G3BP2: variants seen among roughly 807,000 people sequenced by gnomAD.
G3BP2 encodes the protein G3BP stress granule assembly factor 2, also known as ras GTPase-activating protein-binding protein 2.
G3BP2 carries 11 observed loss-of-function variants against 56.7 expected under a neutral mutation model. The ratio of observed to expected loss-of-function variants is 0.19; its 90% CI spans 0.12 to 0.32. The LOEUF is 0.32. G3BP2 is among the 10% of genes least tolerant of loss of function. The pLI, the probability that G3BP2 is intolerant of heterozygous loss-of-function variation, is 1.00. For synonymous variants in G3BP2, 165 were observed against 191.6 expected (o/e 0.86, Z 1.15); for missense variants, 340 against 610.9 (o/e 0.56, Z 4.67).
chr4:75,700,687 G>A (rs1352782424), intron 3 of G3BP2, among the ~76,000 whole-genome samples: 2 of 150,130 alleles, frequency 1.3e-5, no homozygotes, highest in Non-Finnish European at 3.0e-5. Flanking sequence ...CCAAAGTGCT[G>A]GGATTACAGG....
chr4:75,675,383 C>T (rs561208731), upstream of G3BP2, among the ~76,000 whole-genome samples: 6 of 152,326 alleles, frequency 3.9e-5, no homozygotes, highest in African/African-American at 1.2e-4. Flanking sequence ...CTTGTTAAAA[C>T]AGATAGTTGG....
chr4:75,642,852 T>C lies in G3BP2; in HGVS notation c.*2578A>G, dbSNP rs994630048. The C allele has an allele frequency of 1.3e-5, 2 of 152,580 alleles. No individual in the cohort carries two copies. Among genetic ancestry groups the C allele is most frequent in the African/African-American group, 2.4e-5 (1 of 41,460 alleles). 9.5% of individuals were successfully genotyped at this position (152,580 alleles called of 1,614,324 possible). On this transcript the variant is annotated 3_prime_UTR_variant, in exon 12 of 12. Transcript: ENST00000359707. Reference sequence around the variant, plus strand: ...ACATTCAATATGGAAACTCAAAGAATACTTTCCACCTGAAACAATTAAACT... The same window carrying C: ...ACATTCAATATGGAAACTCAAAGAACACTTTCCACCTGAAACAATTAAACT...
At chr4:75,684,814 A>T (rs145869510) in intron 3 of G3BP2, among the ~76,000 whole-genome samples, 2 of 152,132 alleles carry the variant, frequency 1.3e-5, no homozygotes, top group East Asian at 3.9e-4. Context: ...TGCTGAAAAG[A>T]TCCATATTTC....
intron 3 of G3BP2, among the ~76,000 whole-genome samples, chr4:75,716,735 G>A (rs7684778): frequency 0.35 from 53,394 of 151,190 alleles, 11,182 homozygotes; most frequent in African/African-American, 0.59. Context: ...GGCTGGTCTC[G>A]AACTCCCAAT....
At chr4:75,715,302 G>GA (rs5859472) in intron 3 of G3BP2, among the ~76,000 whole-genome samples, 81,923 of 151,242 alleles carry the variant, frequency 0.54, 23,403 homozygotes, top group East Asian at 0.8. Context: ...AGTACTGAAG[G>GA]AAAAAAAAAC....
At chr4:75,685,096 G>T (rs1269239371) in intron 3 of G3BP2, among the ~76,000 whole-genome samples, 2 of 151,504 alleles carry the variant, frequency 1.3e-5, no homozygotes, top group East Asian at 3.9e-4. Flanking sequence ...ATGGGTGAAG[G>T]TTGCACAGAA....
At chr4:75,714,606 C>T (rs1719869145) in intron 3 of G3BP2, among the ~76,000 whole-genome samples, 1 of 151,686 alleles carries the variant, frequency 6.6e-6, no homozygotes, top group Admixed American at 6.6e-5. Flanking sequence ...CCAGCCTGGG[C>T]AACAAAAGTG....
chr4:75,704,613 T>C (rs6827809), intron 3 of G3BP2, among the ~76,000 whole-genome samples: 132,439 of 151,786 alleles, frequency 0.87, 57,795 homozygotes, highest in East Asian at 0.91. Flanking sequence ...GCCACTGTGA[T>C]GGCCCAATAT....
Position 75,720,022 on chromosome 4 carries a change from C to CTTTTTTTTT in G3BP2, c.-25+846_-25+854dup, listed in dbSNP as rs67468716. Among the ~76,000 whole-genome samples, 12 of 97,332 alleles carry CTTTTTTTTT rather than the reference C, an allele frequency of 1.2e-4. 3 individuals carry two copies. The highest frequency in any genetic ancestry group is 2.6e-4 in the Admixed American group (2 of 7,760). 63.9% of individuals were successfully genotyped at this position (97,332 alleles called of 152,430 possible). On this transcript the variant is annotated intron_variant, in intron 3 of 3. Transcript: ENST00000499709. ...GAGCAGGATGGGGGGGCCCAGAACC[C>CTTTTTTTTT]TTTTTTTTTTTTGAGAAAGGGTCTC...
At chr4:75,675,917 C>G (rs1470733542), upstream of G3BP2, among the ~76,000 whole-genome samples, 1 of 152,218 alleles carries the variant, frequency 6.6e-6, no homozygotes, top group Non-Finnish European at 1.5e-5. Flanking sequence ...ATTCCTCTCT[C>G]TCTCGCATCC....
intron 1 of G3BP2, among the ~76,000 whole-genome samples, chr4:75,669,148 C>G (rs918728936): frequency 1.3e-5 from 2 of 152,180 alleles, no homozygotes; most frequent in African/African-American, 4.8e-5. Flanking sequence ...GTCTTCTAAC[C>G]TGGCAATTTC....
intron 5 of G3BP2, among the ~76,000 whole-genome samples, chr4:75,656,157 A>AT (rs1000526021): frequency 3.2e-4 from 47 of 146,048 alleles, no homozygotes; most frequent in South Asian, 8.6e-4. Flanking sequence ...TGCCCAGCTA[A>AT]TTTTTTTTTT....
intron 3 of G3BP2, among the ~76,000 whole-genome samples, chr4:75,686,745 A>C (rs1464102483): frequency 6.6e-6 from 1 of 152,196 alleles, no homozygotes; most frequent in Non-Finnish European, 1.5e-5. Context: ...CACTGTATAT[A>C]ATAAACCCTA....
chr4:75,676,546 T>G (rs190265467), upstream of G3BP2, among the ~76,000 whole-genome samples: 613 of 152,298 alleles, frequency 4.0e-3, 3 homozygotes, highest in Non-Finnish European at 6.0e-3. Flanking sequence ...TTTCACCATG[T>G]TGGCCAGGTT....
rs1733647480 is a variant in G3BP2, at chr4:75,673,195, C to T, written c.-25+13G>A. 2.2e-5 allele frequency: 26 copies of T among 1,199,464 alleles called. No individual in the cohort carries two copies. The highest frequency in any genetic ancestry group is 2.6e-5 in the Non-Finnish European group (25 of 967,520). 74.3% of individuals were successfully genotyped at this position (1,199,464 alleles called of 1,614,324 possible). A position where few individuals can be genotyped will look rare whatever the true frequency, so the allele number is the denominator to read the frequency against. ...CCACCACACCGACCTCCCCTCCCGG[C>T]GCCCGTACACACCTCCAGCCAACGG... is the stretch of plus-strand genomic sequence containing the variant. On this transcript the variant is annotated intron_variant, in intron 1 of 11. Transcript: ENST00000359707.
chr4:75,670,318 G>C (rs1733385744), intron 1 of G3BP2: 1 of 152,136 alleles, frequency 6.6e-6, no homozygotes, highest in African/African-American at 2.4e-5. Context: ...AATTCCAGAT[G>C]GTTTTTGTTT....
chr4:75,673,440 TA>T, upstream of G3BP2: 2 of 1,224,840 alleles, frequency 1.6e-6, no homozygotes, highest in Non-Finnish European at 2.0e-6. Context: ...CGCCCCCTCT[TA>T]TTGTTTTACC....
At chr4:75,693,179 G>A (rs1414529538) in intron 3 of G3BP2, among the ~76,000 whole-genome samples, 1 of 152,150 alleles carries the variant, frequency 6.6e-6, no homozygotes, top group Non-Finnish European at 1.5e-5. Context: ...GGGAGGTGGA[G>A]GTTGCAGTGA....
chr4:75,711,455 A>ATT (rs1719754396), intron 3 of G3BP2, among the ~76,000 whole-genome samples: 1 of 149,394 alleles, frequency 6.7e-6, no homozygotes, highest in Non-Finnish European at 1.5e-5. Context: ...GCTCACGCCT[A>ATT]TAATCCCAGC....
Sources: gnomAD v4.1 joint callset for allele counts (sites outside exome capture counted in the v4.1 genomes callset) on GRCh38, gnomAD v4.1.1 for gene constraint, MANE v1.5 for transcripts, NCBI Gene and HGNC (gene_info 2026-07-23, HGNC 2026-07-21) for gene names.